MUC15: variants seen among roughly 807,000 people sequenced by gnomAD.
MUC15 encodes the protein mucin 15, cell surface associated.
MUC15 carries 23 observed loss-of-function variants against 24.0 expected under a neutral mutation model. That is an observed-to-expected ratio of 0.96 (90% CI 0.69 to 1.36). MUC15 has a LOEUF of 1.36. MUC15 is among the 40% of genes most tolerant of loss of function. MUC15 has a pLI of 0.00. For missense variants in MUC15, 442 were observed against 428.2 expected, an observed-to-expected ratio of 1.03 and a Z score of -0.29; for synonymous variants, 151 against 156.3, an observed-to-expected ratio of 0.97 and a Z score of 0.25.
chr11:26,563,131 C>T lies in MUC15; in HGVS notation c.910G>A (p.Asp304Asn), dbSNP rs746575838. 1.7e-5 allele frequency: 27 copies of T among 1,611,540 alleles called. No homozygotes were observed. The highest frequency in any genetic ancestry group is 2.7e-5 in the African/African-American group (2 of 74,722). ...DSFSHRRLYD[D>N]RNEPVLRLDN... ...TAGATTTTACCTGGTTCATTTCTGT[C>T]GTCATAAAGTCGCCGATGGGAAAAT... Residue 304 changes from aspartate (D) to asparagine (N), a missense_variant, in exon 4 of 5, where the codon GAC becomes AAC. Asp to Asn is a conservative substitution (Grantham distance 23). Coordinates refer to ENST00000529533, the MANE Select transcript of MUC15 (RefSeq NM_001135091.2).
At chr11:26,566,032 C>T (rs1483102457) in intron 2 of MUC15, 136 bp from the exon 3 acceptor site, 1 of 966,392 alleles carries the variant, frequency 1.0e-6, no homozygotes, top group Non-Finnish European at 1.4e-6. Flanking sequence ...TCCAAAATTG[C>T]TTATTTTGGA....
At chr11:26,569,572 G>A (rs1405929195) in intron 1 of MUC15, among the ~76,000 whole-genome samples, 2 of 152,038 alleles carry the variant, frequency 1.3e-5, no homozygotes, top group Non-Finnish European at 2.9e-5. Context: ...TAAGGTCCAG[G>A]AGATTTGGCC....
At position 26,559,863 on chromosome 11, in the gene MUC15, C is replaced by T. The variant is rs556365507; in HGVS notation, c.*1202G>A. ...ACACACACACACACACACACACACA[C>T]ACACACACACACCATGAATCAATTC... On this transcript the variant is annotated 3_prime_UTR_variant, in exon 5 of 5. Transcript: ENST00000529533. 6.1e-5 allele frequency: 56 copies of T among 911,514 alleles called. No homozygotes were observed. In the East Asian group the frequency reaches 1.3e-3, roughly 21 times the overall value. 56.5% of individuals were successfully genotyped at this position (911,514 alleles called of 1,614,324 possible). A position where few individuals can be genotyped will look rare whatever the true frequency, so the allele number is the denominator to read the frequency against.
At position 26,559,629 on chromosome 11, in the gene MUC15, A is replaced by G; in HGVS notation, c.*1436T>C. 1.1e-6 allele frequency: 1 copy of G among 882,614 alleles called. No homozygotes were observed. The highest frequency in any genetic ancestry group is 1.8e-5 in the Admixed American group (1 of 55,220). 54.7% of individuals were successfully genotyped at this position (882,614 alleles called of 1,614,324 possible). A position where few individuals can be genotyped will look rare whatever the true frequency, so the allele number is the denominator to read the frequency against. ...ATAAAATAATATGATTCTATTTGAG[A>G]AAAAATCATAGTACCTGAGTGCAAA... On this transcript the variant is annotated 3_prime_UTR_variant, in exon 5 of 5. Coordinates refer to ENST00000529533, the MANE Select transcript of MUC15 (RefSeq NM_001135091.2).
rs71047867 is a variant in MUC15, at chr11:26,563,395, CTGTG to C, written c.776-134_776-131del. On this transcript the variant is annotated intron_variant, in intron 3 of 4. Coordinates refer to ENST00000529533, the MANE Select transcript of MUC15 (RefSeq NM_001135091.2). ...ATTAGATAATGGTGTGTTTCTCTCT[CTGTG>C]TGTGTGTGTGTGTGTGTGTGTGTGT... 2,842 of 538,600 alleles carry C rather than the reference CTGTG, an allele frequency of 5.3e-3. 2 individuals are homozygous for C. Among genetic ancestry groups the C allele is most frequent in the South Asian group, 0.011 (289 of 26,188 alleles). 33.4% of individuals were successfully genotyped at this position (538,600 alleles called of 1,614,324 possible).
intron 1 of MUC15, among the ~76,000 whole-genome samples, chr11:26,567,744 C>T (rs2134276714): frequency 6.6e-6 from 1 of 151,966 alleles, no homozygotes; most frequent in East Asian, 1.9e-4. Context: ...TTCATAGCGG[C>T]ATTATTTATA....
At chr11:26,572,019 A>C (rs1466782430) in intron 1 of MUC15, 22 bp downstream of exon 1, 1 of 916,398 alleles carries the variant, frequency 1.1e-6, no homozygotes, top group Admixed American at 6.2e-5. Context: ...CGAGAGACCT[A>C]AGTGACCCAA....
At chr11:26,568,611 G>A (rs1257249336) in intron 1 of MUC15, among the ~76,000 whole-genome samples, 3 of 151,810 alleles carry the variant, frequency 2.0e-5, no homozygotes, top group Non-Finnish European at 2.9e-5. Context: ...TGCTTTTGCT[G>A]TAATTTAAGA....
intron 3 of MUC15, 142 bp from the exon 4 acceptor site, chr11:26,563,407 G>GTGTGTGTGTT (rs1850381388): frequency 1.7e-6 from 1 of 586,620 alleles, no homozygotes; most frequent in South Asian, 3.4e-5. Context: ...GTGTGTGTGT[G>GTGTGTGTGTT]TGTGTGTGTG....
Position 26,560,654 on chromosome 11 carries a change from T to G in MUC15, c.*411A>C, listed in dbSNP as rs968058635. The G allele has an allele frequency of 6.5e-6, 1 of 153,694 alleles. No homozygotes were observed. The highest frequency in any genetic ancestry group is 1.5e-5 in the Non-Finnish European group (1 of 68,884). 9.5% of individuals were successfully genotyped at this position (153,694 alleles called of 1,614,324 possible). Reference sequence around the variant, plus strand: ...CCCTTTCAATTTTCATTTAAGAAAATGCAATCTTGAATTATGGTACTAGGG... The same window carrying G: ...CCCTTTCAATTTTCATTTAAGAAAAGGCAATCTTGAATTATGGTACTAGGG... On this transcript the variant is annotated 3_prime_UTR_variant, in exon 5 of 5. Coordinates refer to ENST00000529533, the MANE Select transcript of MUC15 (RefSeq NM_001135091.2).
chr11:26,562,619 G>C (rs573612076), intron 4 of MUC15, among the ~76,000 whole-genome samples: 36 of 151,956 alleles, frequency 2.4e-4, no homozygotes, highest in South Asian at 1.2e-3. Flanking sequence ...GTGACTGTGT[G>C]TGCAAATATG....
intron 3 of MUC15, among the ~76,000 whole-genome samples, chr11:26,563,830 A>AACAGTTGT (rs1850401671): frequency 2.0e-5 from 3 of 151,834 alleles, no homozygotes; most frequent in African/African-American, 7.2e-5. Flanking sequence ...GCATATCAAG[A>AACAGTTGT]ACAGTTGTCT....
intron 4 of MUC15, 109 bp from the exon 5 acceptor site, chr11:26,561,334 T>A: frequency 1.4e-6 from 1 of 739,516 alleles, no homozygotes; most frequent in African/African-American, 1.8e-5. Context: ...TAAATATATT[T>A]TTATATGGGC....
rs1269455519 is a variant in MUC15 at position 26,559,499 on chromosome 11, G to A, written c.*1566C>T. 2.0e-6 allele frequency: 1 copy of A among 502,404 alleles called. No individual in the cohort carries two copies. The allele number at this position is 502,404 out of a possible 1,614,324, so 31.1% of individuals were successfully genotyped here. ...TGGGGTATAAAGGGAATCAAGAGAG[G>A]AGAGAAGAGGGCTAATGTTGTTTCT... On this transcript the variant is annotated 3_prime_UTR_variant, in exon 5 of 5. Transcript: ENST00000529533.
intron 2 of MUC15, 104 bp downstream of exon 2, chr11:26,566,948 A>C (rs1850612535): frequency 9.4e-7 from 1 of 1,060,304 alleles, no homozygotes; most frequent in African/African-American, 1.6e-5. Flanking sequence ...CCTAAAGTAA[A>C]CACTTAATAG....
At chr11:26,571,323 T>C (rs1187196583) in intron 1 of MUC15, among the ~76,000 whole-genome samples, 1 of 152,090 alleles carries the variant, frequency 6.6e-6, no homozygotes. Flanking sequence ...TCAGCATCCT[T>C]TTAATAAAAA....
At position 26,559,698 on chromosome 11, in the gene MUC15, T is replaced by C. The variant is rs1325111599; in HGVS notation, c.*1367A>G. ...TATAATCAATTTGCATGACTAATAT[T>C]TCTGTTTGTTTTCTACTCAGGTGAC... On this transcript the variant is annotated 3_prime_UTR_variant, in exon 5 of 5. Transcript: ENST00000529533. 1 of 1,585,754 alleles carries C rather than the reference T, an allele frequency of 6.3e-7. No individual in the cohort carries two copies.
chr11:26,565,394 A>G lies in MUC15; in HGVS notation c.546T>C (p.Asn182=), dbSNP rs1850529725. 6.2e-7 allele frequency: 1 copy of G among 1,613,294 alleles called. No homozygotes were observed. The highest frequency in any genetic ancestry group is 8.5e-7 in the Non-Finnish European group (1 of 1,179,502). ...SSENFTWSLV[N]DTVKTPDNSS... is the part of the protein sequence containing the mutation. ...TGTTATCAGGAGTTTTCACGGTGTC[A>G]TTGACCAAAGACCAAGTGAAGTTTT... is the stretch of plus-strand genomic sequence containing the variant. The change falls in exon 3 of 5, where the codon AAT becomes AAC. Residue 182 remains asparagine, a synonymous_variant. Transcript: ENST00000529533.
At chr11:26,564,783 A>G (rs758702521) in intron 3 of MUC15, among the ~76,000 whole-genome samples, 4 of 100,696 alleles carry the variant, frequency 4.0e-5, no homozygotes, top group South Asian at 3.3e-4. Flanking sequence ...ATATATATAT[A>G]TAAGTTCAGT....
Sources: gnomAD v4.1 joint callset for allele counts (sites outside exome capture counted in the v4.1 genomes callset) on GRCh38, gnomAD v4.1.1 for gene constraint, MANE v1.5 for transcripts, NCBI Gene and HGNC (gene_info 2026-07-23, HGNC 2026-07-21) for gene names.